Variants in SNTB2 observed in about 807,000 individuals in gnomAD.
SNTB2 encodes the protein syntrophin beta 2.
A neutral mutation model predicts 46.2 loss-of-function variants in SNTB2; 34 were observed. That is an observed-to-expected ratio of 0.74 (90% CI 0.56 to 0.98). SNTB2 has a LOEUF of 0.98. SNTB2 is among the 50% of genes least tolerant of loss of function. The probability of loss-of-function intolerance (pLI) is 0.00; values close to 1 mark genes in which losing one functional copy is unlikely to be tolerated. For synonymous variants in SNTB2, 290 were observed against 312.6 expected, an observed-to-expected ratio of 0.93 and a Z score of 0.76; for missense variants, 603 against 731.4, an observed-to-expected ratio of 0.82 and a Z score of 2.02.
chr16:69,278,418 A>G (rs1224900827), intron 4 of SNTB2, among the ~76,000 whole-genome samples: 1 of 151,406 alleles, frequency 6.6e-6, no homozygotes, highest in African/African-American at 2.4e-5. Context: ...TACTTTTCTT[A>G]TGGTTTTCCT....
chr16:69,287,935 G>A (rs141402471), intron 5 of SNTB2, among the ~76,000 whole-genome samples: 27 of 151,888 alleles, frequency 1.8e-4, no homozygotes, highest in African/African-American at 6.5e-4. Context: ...CAGTACTTTG[G>A]GAGGCTGAGG....
At chr16:69,291,150 A>G (rs1396340147) in intron 5 of SNTB2, among the ~76,000 whole-genome samples, 2 of 152,200 alleles carry the variant, frequency 1.3e-5, no homozygotes, top group Admixed American at 6.5e-5. Context: ...TCCTATGTGC[A>G]GTCACTGGGA....
intron 5 of SNTB2, among the ~76,000 whole-genome samples, chr16:69,287,753 G>C (rs1965118448): frequency 6.6e-6 from 1 of 151,954 alleles, no homozygotes; most frequent in Non-Finnish European, 1.5e-5. Flanking sequence ...CAGCTACTCG[G>C]GATGGTGAGG....
At chr16:69,268,690 C>T (rs899903926) in intron 3 of SNTB2, among the ~76,000 whole-genome samples, 1 of 151,862 alleles carries the variant, frequency 6.6e-6, no homozygotes, top group African/African-American at 2.4e-5. Context: ...TACAGTGAAA[C>T]CCCGTCTCTA....
chr16:69,294,019 T>TTTTG (rs926510391), intron 5 of SNTB2, among the ~76,000 whole-genome samples: 5 of 152,160 alleles, frequency 3.3e-5, no homozygotes, highest in South Asian at 2.1e-4. Context: ...ATTTTATGTT[T>TTTTG]TTTGTTTGTT....
chr16:69,231,952 A>G (rs926237522), intron 1 of SNTB2, among the ~76,000 whole-genome samples: 5 of 152,184 alleles, frequency 3.3e-5, no homozygotes, highest in Non-Finnish European at 7.3e-5. Flanking sequence ...ATGACCAAGA[A>G]CTAGTTTACC....
At chr16:69,276,221 G>A (rs1341790400) in intron 4 of SNTB2, among the ~76,000 whole-genome samples, 1 of 151,932 alleles carries the variant, frequency 6.6e-6, no homozygotes, top group African/African-American at 2.4e-5. Context: ...AAAAAAGTGT[G>A]GTGACTTTAG....
intron 2 of SNTB2, among the ~76,000 whole-genome samples, chr16:69,256,907 C>T (rs561729196): frequency 6.6e-6 from 1 of 152,302 alleles, no homozygotes; most frequent in East Asian, 1.9e-4. Context: ...CAGTGGCTCA[C>T]GCCTGTAATA....
intron 1 of SNTB2, among the ~76,000 whole-genome samples, chr16:69,221,997 C>A (rs1423946806): frequency 6.6e-6 from 1 of 152,180 alleles, no homozygotes; most frequent in Non-Finnish European, 1.5e-5. Context: ...TTTGTTGACA[C>A]TGCATACTTG....
At position 69,301,612 on chromosome 16, in the gene SNTB2, G is replaced by C. The variant is rs1476551363; in HGVS notation, c.*688G>C. On this transcript the variant is annotated 3_prime_UTR_variant, in exon 7 of 7. Coordinates refer to ENST00000336278, the MANE Select transcript of SNTB2 (RefSeq NM_006750.4). ...CCTTGCCTTCTACTTCCTTTCTAGT[G>C]GTGACTGAGTTGAAAAGCAAGTTGG... The C allele has an allele frequency of 6.6e-6, 1 of 152,566 alleles. No individual in the cohort carries two copies. The highest frequency in any genetic ancestry group is 1.5e-5 in the Non-Finnish European group (1 of 68,026). 9.5% of individuals were successfully genotyped at this position (152,566 alleles called of 1,614,324 possible). A position where few individuals can be genotyped will look rare whatever the true frequency, so the allele number is the denominator to read the frequency against.
intron 1 of SNTB2, among the ~76,000 whole-genome samples, chr16:69,225,429 G>GT (rs1213568702): frequency 6.6e-6 from 1 of 152,150 alleles, no homozygotes; most frequent in Non-Finnish European, 1.5e-5. Flanking sequence ...AATTGCTATG[G>GT]TTTTTTTGTT....
intron 1 of SNTB2, among the ~76,000 whole-genome samples, chr16:69,194,312 T>C (rs961921642): frequency 3.9e-5 from 6 of 152,230 alleles, no homozygotes; most frequent in Admixed American, 2.6e-4. Context: ...ATAGCACTTT[T>C]TATATTCTCT....
chr16:69,268,581 G>A (rs992516107), intron 3 of SNTB2, among the ~76,000 whole-genome samples: 2 of 152,122 alleles, frequency 1.3e-5, no homozygotes, highest in Non-Finnish European at 2.9e-5. Flanking sequence ...ACAGCACAGT[G>A]AGGCCAGGCG....
chr16:69,260,380 TC>T, intron 3 of SNTB2, 120 bp downstream of exon 3: 3 of 900,238 alleles, frequency 3.3e-6, no homozygotes, highest in Non-Finnish European at 5.1e-6. Context: ...AGCTTGCAGA[TC>T]TTTTGTTTTT....
chr16:69,238,460 C>G (rs1289652707), intron 1 of SNTB2, among the ~76,000 whole-genome samples: 1 of 152,164 alleles, frequency 6.6e-6, no homozygotes, highest in Non-Finnish European at 1.5e-5. Context: ...CCCTTACTAT[C>G]GTTTCCTGCT....
At chr16:69,213,146 G>A (rs1964306728) in intron 1 of SNTB2, among the ~76,000 whole-genome samples, 2 of 151,970 alleles carry the variant, frequency 1.3e-5, no homozygotes. Context: ...GTAATAACGT[G>A]CCCATTTTAT....
intron 3 of SNTB2, among the ~76,000 whole-genome samples, chr16:69,264,403 C>G (rs1277782839): frequency 6.6e-6 from 1 of 152,054 alleles, no homozygotes; most frequent in African/African-American, 2.4e-5. Flanking sequence ...CCAAGCATGG[C>G]AAAGTTGTAA....
intron 1 of SNTB2, among the ~76,000 whole-genome samples, chr16:69,188,538 G>T (rs1042539131): frequency 2.6e-5 from 4 of 152,176 alleles, no homozygotes; most frequent in African/African-American, 9.7e-5. Context: ...CTGTAAGTTG[G>T]ATCTTTCATG....
chr16:69,233,923 G>A (rs1427113751), intron 1 of SNTB2, among the ~76,000 whole-genome samples: 1 of 152,100 alleles, frequency 6.6e-6, no homozygotes, highest in Non-Finnish European at 1.5e-5. Context: ...GCTGCAGTGA[G>A]CTATGATTGT....
Sources: allele counts gnomAD v4.1 joint callset (sites outside exome capture counted in the v4.1 genomes callset), GRCh38; gene constraint gnomAD v4.1.1; transcripts MANE v1.5; gene names NCBI Gene and HGNC (gene_info 2026-07-23, HGNC 2026-07-21).